The following RBMS1 variants were observed in gnomAD, a reference collection of about 807,000 sequenced individuals.
The protein encoded by RBMS1 is RNA binding motif single stranded interacting protein 1.
In RBMS1, 17 loss-of-function variants were observed where a neutral mutation model predicts 62.3. That is an observed-to-expected ratio of 0.27 (90% CI 0.19 to 0.41). RBMS1 has a LOEUF of 0.41. Ranked by LOEUF, RBMS1 falls within the 10% of genes least tolerant of loss-of-function variation. The pLI is 1.00. For missense variants in RBMS1, 334 were observed against 504.5 expected (o/e 0.66, Z 3.24); for synonymous variants, 172 against 170.0 (o/e 1.01, Z -0.09).
chr2:160,374,079 C>G (rs1693870106), intron 1 of RBMS1, among the ~76,000 whole-genome samples: 2 of 151,906 alleles, frequency 1.3e-5, no homozygotes, highest in Non-Finnish European at 2.9e-5. Context: ...TTGAGACCAA[C>G]CTGAATAACA....
chr2:160,471,884 T>C (rs992628933), intron 1 of RBMS1, among the ~76,000 whole-genome samples: 2 of 151,652 alleles, frequency 1.3e-5, no homozygotes, highest in Non-Finnish European at 2.9e-5. Context: ...TCATTTCTCA[T>C]TGAAAAATTA....
intron 1 of RBMS1, chr2:160,408,613 T>C (rs148190567): frequency 2.0e-5 from 3 of 152,342 alleles, no homozygotes; most frequent in Admixed American, 2.0e-4. Flanking sequence ...TCCTTCCTTA[T>C]GTTAATTATT....
intron 3 of RBMS1, among the ~76,000 whole-genome samples, chr2:160,316,793 T>C (rs1356223028): frequency 6.6e-6 from 1 of 152,186 alleles, no homozygotes; most frequent in Non-Finnish European, 1.5e-5. Context: ...AGGTAGGGTA[T>C]GGATAAAACC....
At chr2:160,291,495 G>A (rs1196007221) in intron 6 of RBMS1, among the ~76,000 whole-genome samples, 1 of 151,970 alleles carries the variant, frequency 6.6e-6, no homozygotes, top group Non-Finnish European at 1.5e-5. Flanking sequence ...TATTTTTTAT[G>A]GGCACAACAT....
intron 1 of RBMS1, among the ~76,000 whole-genome samples, chr2:160,426,760 G>GC (rs1682646747): frequency 6.6e-6 from 1 of 152,134 alleles, no homozygotes; most frequent in African/African-American, 2.4e-5. Flanking sequence ...CCAGATCTGT[G>GC]CCGCCACCTC....
chr2:160,429,311 C>T (rs1042906573), intron 1 of RBMS1, among the ~76,000 whole-genome samples: 3 of 152,116 alleles, frequency 2.0e-5, no homozygotes, highest in Non-Finnish European at 4.4e-5. Context: ...CCCACCATAA[C>T]TCACACAGGA....
chr2:160,457,340 G>A (rs1036310923), intron 1 of RBMS1, among the ~76,000 whole-genome samples: 1 of 152,110 alleles, frequency 6.6e-6, no homozygotes, highest in African/African-American at 2.4e-5. Flanking sequence ...ATGTTGGTCA[G>A]GCTGGTCTCT....
At chr2:160,453,241 G>A (rs1285133036) in intron 1 of RBMS1, among the ~76,000 whole-genome samples, 4 of 152,124 alleles carry the variant, frequency 2.6e-5, no homozygotes, top group East Asian at 1.9e-4. Flanking sequence ...AAACCCTGGA[G>A]ATCCAAAAGG....
chr2:160,311,338 T>C (rs1689903001), intron 4 of RBMS1, among the ~76,000 whole-genome samples: 4 of 150,564 alleles, frequency 2.7e-5, no homozygotes, highest in African/African-American at 7.3e-5. Flanking sequence ...TTTAAAAATA[T>C]TAAATGGCAA....
At chr2:160,384,419 T>G (rs1055407039) in intron 1 of RBMS1, among the ~76,000 whole-genome samples, 2 of 152,200 alleles carry the variant, frequency 1.3e-5, no homozygotes, top group Admixed American at 1.3e-4. Flanking sequence ...CCCCTTCTTT[T>G]AACCAACTTT....
intron 3 of RBMS1, among the ~76,000 whole-genome samples, chr2:160,315,242 T>C (rs1690145391): frequency 1.3e-5 from 2 of 152,258 alleles, no homozygotes; most frequent in Non-Finnish European, 2.9e-5. Context: ...AACCATTTGC[T>C]GAAGACAAAC....
At chr2:160,290,522 T>G (rs1297056439) in intron 6 of RBMS1, among the ~76,000 whole-genome samples, 2 of 152,184 alleles carry the variant, frequency 1.3e-5, no homozygotes, top group African/African-American at 4.8e-5. Context: ...TGATATAACC[T>G]ACCCTTAAAT....
intron 1 of RBMS1, among the ~76,000 whole-genome samples, chr2:160,404,857 T>G (rs1695614524): frequency 6.6e-6 from 1 of 152,196 alleles, no homozygotes. Context: ...CTTCTGAGAT[T>G]AGAAGGGTGA....
chr2:160,489,575 G>C (rs1440647079), intron 1 of RBMS1, among the ~76,000 whole-genome samples: 1 of 152,046 alleles, frequency 6.6e-6, no homozygotes, highest in East Asian at 1.9e-4. Context: ...AAACTGCTTT[G>C]TTCTACTAGC....
chr2:160,441,586 A>G (rs573476646), intron 1 of RBMS1, among the ~76,000 whole-genome samples: 14 of 152,274 alleles, frequency 9.2e-5, no homozygotes, highest in Non-Finnish European at 4.4e-5. Context: ...TTATCTGGGT[A>G]TAGTGGCATG....
At chr2:160,313,684 T>C (rs1450411895) in intron 3 of RBMS1, among the ~76,000 whole-genome samples, 1 of 152,206 alleles carries the variant, frequency 6.6e-6, no homozygotes, top group Non-Finnish European at 1.5e-5. Flanking sequence ...AAAATTATGT[T>C]TATTTTGTAG....
At chr2:160,396,533 G>C (rs57527619) in intron 1 of RBMS1, among the ~76,000 whole-genome samples, 2,929 of 148,236 alleles carry the variant, frequency 0.02, 101 homozygotes, top group African/African-American at 0.067. Context: ...CTCTCTCCCA[G>C]GGACTTTTCT....
At chr2:160,482,521 AT>A (rs1440317630) in intron 1 of RBMS1, among the ~76,000 whole-genome samples, 1 of 152,196 alleles carries the variant, frequency 6.6e-6, no homozygotes, top group African/African-American at 2.4e-5. Flanking sequence ...GACAGTAAGT[AT>A]TTACTGAATT....
At chr2:160,305,715 GA>G (rs1689466820) in intron 4 of RBMS1, among the ~76,000 whole-genome samples, 5 of 152,140 alleles carry the variant, frequency 3.3e-5, no homozygotes, top group African/African-American at 1.2e-4. Flanking sequence ...GGAATGATAT[GA>G]TCAAACCCAT....
Sources: gnomAD v4.1 joint callset for allele counts (sites outside exome capture counted in the v4.1 genomes callset) on GRCh38, gnomAD v4.1.1 for gene constraint, MANE v1.5 for transcripts, NCBI Gene and HGNC (gene_info 2026-07-23, HGNC 2026-07-21) for gene names.